The following PPIC variants were observed in gnomAD, a reference collection of about 807,000 sequenced individuals.
PPIC encodes the protein peptidyl-prolyl cis-trans isomerase C.
Under a neutral mutation model 19.5 loss-of-function variants are expected in PPIC, and 19 were observed. The ratio of observed to expected loss-of-function variants is 0.98; its 90% CI spans 0.68 to 1.43. The LOEUF (loss-of-function observed/expected upper bound fraction) is 1.43. Among genes scored for constraint, PPIC ranks in the 40% most tolerant of loss-of-function variants. The pLI, the probability that PPIC is intolerant of heterozygous loss-of-function variation, is 0.00. For synonymous variants in PPIC, 107 were observed against 101.2 expected (o/e 1.06, Z -0.34); for missense variants, 268 against 268.6 (o/e 1.00, Z 0.02).
chr5:123,026,277 G>C (rs1248495524), intron 3 of PPIC, among the ~76,000 whole-genome samples: 1 of 152,136 alleles, frequency 6.6e-6, no homozygotes, highest in Non-Finnish European at 1.5e-5. Flanking sequence ...AAGTGAGAAG[G>C]AACTGAAGGG....
At chr5:123,026,563 T>G (rs910269928) in intron 3 of PPIC, among the ~76,000 whole-genome samples, 3 of 152,234 alleles carry the variant, frequency 2.0e-5, no homozygotes, top group Non-Finnish European at 4.4e-5. Flanking sequence ...CATCTGACTT[T>G]CTGATTCTAA....
At chr5:123,026,973 TC>T (rs1256667555) in intron 3 of PPIC, among the ~76,000 whole-genome samples, 2 of 152,064 alleles carry the variant, frequency 1.3e-5, no homozygotes, top group African/African-American at 4.8e-5. Context: ...GGCGGGCAGA[TC>T]GCAAGGCCAG....
At chr5:123,029,195 G>A (rs774993813) in intron 2 of PPIC, 110 bp downstream of exon 2, 11 of 1,571,486 alleles carry the variant, frequency 7.0e-6, no homozygotes, top group Non-Finnish European at 7.8e-6. Context: ...GTCAAATGTG[G>A]TAAGGTTCAT....
At chr5:123,035,878 C>G (rs1763001388) in intron 1 of PPIC, among the ~76,000 whole-genome samples, 1 of 152,156 alleles carries the variant, frequency 6.6e-6, no homozygotes, top group Non-Finnish European at 1.5e-5. Context: ...CAGGTGCCGC[C>G]TTCGCCCGGC....
At position 123,036,575 on chromosome 5, in the gene PPIC, G is replaced by A. The variant is rs371863779; in HGVS notation, c.51C>T (p.Leu17=). 1.2e-4 allele frequency: 189 copies of A among 1,600,378 alleles called. No homozygotes were observed. The highest frequency in any genetic ancestry group is 3.3e-4 in the Middle Eastern group (2 of 6,034). ...CCCCCGAAGAAAACACAAGTGCGCC[G>A]AGCCCCACGCAAAGCACGAGAGGTA... is the stretch of plus-strand genomic sequence containing the variant. ...LLLPLVLCVG[L]GALVFSSGAE... The change falls in exon 1 of 5, where the codon CTC becomes CTT. Residue 17 remains leucine (L), a synonymous_variant. Coordinates refer to ENST00000306442, the MANE Select transcript of PPIC (RefSeq NM_000943.5). The surrounding 1 kb of genome is among the most constrained non-coding windows in gnomAD (Gnocchi z 4.5).
rs1271530914 is a variant in PPIC at position 123,029,330 on chromosome 5, T to C, written c.206A>G (p.Asn69Ser). Residue 69 changes from asparagine to serine, a missense_variant, in exon 2 of 5, where the codon AAT becomes AGT. By Grantham distance (46) the Asn-to-Ser change is conservative. Coordinates refer to ENST00000306442, the MANE Select transcript of PPIC (RefSeq NM_000943.5). Reference sequence around the variant, plus strand: ...CTCTCCTGTTGCTAGAGCAACAAAATTTTCCACTGTCTTGGGCACAACTTT... The same window carrying C: ...CTCTCCTGTTGCTAGAGCAACAAAACTTTCCACTGTCTTGGGCACAACTTT... ...FGKVVPKTVE[N>S]FVALATGEKG... 2 of 1,613,910 alleles carry C rather than the reference T, an allele frequency of 1.2e-6. No homozygotes were observed. The highest frequency in any genetic ancestry group is 1.7e-5 in the Admixed American group (1 of 59,988).
At chr5:123,027,038 C>CA (rs1762869590) in intron 3 of PPIC, among the ~76,000 whole-genome samples, 1 of 151,968 alleles carries the variant, frequency 6.6e-6, no homozygotes, top group Non-Finnish European at 1.5e-5. Context: ...ACTAAAAATA[C>CA]AAAAAATCAG....
Position 123,023,938 on chromosome 5 carries a change from C to A in PPIC, c.576G>T (p.Ser192=). Residue 192 remains serine (S), a synonymous_variant, in exon 5 of 5, where the codon TCG becomes TCT. Transcript: ENST00000306442. ...CGTCTATCTTGCCACTGTTGATGATCGAGCAGTTGGTGAGTGGACGGTCAT... is the reference window on the plus strand; with the variant it reads ...CGTCTATCTTGCCACTGTTGATGATAGAGCAGTTGGTGAGTGGACGGTCAT... ...DGHDRPLTNC[S]IINSGKIDVK... is the part of the protein sequence containing the mutation. 1 of 1,614,036 alleles carries A rather than the reference C, an allele frequency of 6.2e-7. No homozygotes were observed. Among genetic ancestry groups the A allele is most frequent in the East Asian group, 2.2e-5 (1 of 44,868 alleles).
rs746697501 is a variant in PPIC, at chr5:123,036,558, G to A, written c.68C>T (p.Ser23Phe). 9.4e-6 allele frequency: 15 copies of A among 1,604,084 alleles called. No individual in the cohort carries two copies. In the South Asian group the frequency reaches 1.7e-4, roughly 18 times the overall value. ...LCVGLGALVFSSGAEGFRKRG... is the reference protein window; with the variant it reads ...LCVGLGALVFFSGAEGFRKRG... ...CTTGCGGAAGCCCTCGGCCCCCGAA[G>A]AAAACACAAGTGCGCCGAGCCCCAC... The change falls in exon 1 of 5, where the codon TCT becomes TTT. Residue 23 changes from serine (S) to phenylalanine (F), a missense_variant. Ser to Phe is a radical substitution (Grantham distance 155). Coordinates refer to ENST00000306442, the MANE Select transcript of PPIC (RefSeq NM_000943.5). The surrounding 1 kb of genome is among the most constrained non-coding windows in gnomAD (Gnocchi z 4.5).
At position 123,023,837 on chromosome 5, in the gene PPIC, C is replaced by CA. The variant is rs397999141; in HGVS notation, c.*37_*38insT. 3.1e-5 allele frequency: 50 copies of CA among 1,592,198 alleles called. No individual in the cohort carries two copies. The highest frequency in any genetic ancestry group is 3.4e-5 in the South Asian group (3 of 89,080). On this transcript the variant is annotated 3_prime_UTR_variant, in exon 5 of 5. Transcript: ENST00000306442. ...ACACACACACACACACACACACACA[C>CA]CCCTGCCAAAGCATATCCTTGTTTT...
chr5:123,029,388 C>T lies in PPIC; in HGVS notation c.148G>A (p.Asp50Asn), dbSNP rs771420531. 1 of 1,585,568 alleles carries T rather than the reference C, an allele frequency of 6.3e-7. No individual in the cohort carries two copies. The highest frequency in any genetic ancestry group is 2.2e-5 in the East Asian group (1 of 44,770). The stretch of plus-strand genomic sequence containing the variant: ...AGGCCAATCACAATTCTGCCAACAT[C>T]TTTGTCTCCAATCCTCACATCAAAG... ...VFFDVRIGDK[D>N]VGRIVIGLFG... The change falls in exon 2 of 5, where the codon GAT becomes AAT. Residue 50 changes from aspartate to asparagine, a missense_variant. Transcript: ENST00000306442.
intron 3 of PPIC, among the ~76,000 whole-genome samples, chr5:123,026,610 T>C (rs377647491): frequency 5.3e-5 from 8 of 152,322 alleles, no homozygotes; most frequent in African/African-American, 1.4e-4. Context: ...CCAAGAGCAA[T>C]AGCAGCTGAT....
Position 123,028,973 on chromosome 5 carries a change from C to T in PPIC, c.232-105G>A, listed in dbSNP as rs113331486. 2.5e-5 allele frequency: 26 copies of T among 1,041,714 alleles called. No homozygotes were observed. In the African/African-American group the frequency reaches 3.9e-4, roughly 16 times the overall value. The allele number at this position is 1,041,714 out of a possible 1,614,324, so 64.5% of individuals were successfully genotyped here. The stretch of plus-strand genomic sequence containing the variant: ...AAACTGAGAAAATTAAACAAAATGC[C>T]TACAGAACTTGATTCTATCCCAGCT... On this transcript the variant is annotated intron_variant, in intron 2 of 4. Coordinates refer to ENST00000306442, the MANE Select transcript of PPIC (RefSeq NM_000943.5).
chr5:123,028,233 T>A (rs1313758891), intron 3 of PPIC, among the ~76,000 whole-genome samples: 1 of 152,044 alleles, frequency 6.6e-6, no homozygotes, highest in Admixed American at 6.6e-5. Flanking sequence ...TAGCCAGGAG[T>A]GTGAGTCACT....
In PPIC at chr5:123,023,964, G is replaced by A; in HGVS notation, c.550C>T (p.His184Tyr). The A allele has an allele frequency of 1.2e-6, 2 of 1,614,078 alleles. No homozygotes were observed. Among genetic ancestry groups the A allele is most frequent in the Non-Finnish European group, 1.7e-6 (2 of 1,179,982 alleles). Residue 184 changes from histidine to tyrosine, a missense_variant, in exon 5 of 5, where the codon CAT becomes TAT. Physicochemically the swap from His to Tyr is moderately conservative, Grantham distance 83. Coordinates refer to ENST00000306442, the MANE Select transcript of PPIC (RefSeq NM_000943.5). ...HSIELQATDG[H>Y]DRPLTNCSII... Reference sequence around the variant, plus strand: ...GAGCAGTTGGTGAGTGGACGGTCATGCCCATCAGTTGCTTGGAGCTCTATG... The same window carrying A: ...GAGCAGTTGGTGAGTGGACGGTCATACCCATCAGTTGCTTGGAGCTCTATG...
intron 1 of PPIC, among the ~76,000 whole-genome samples, chr5:123,033,440 C>T (rs1328207394): frequency 6.6e-6 from 1 of 152,110 alleles, no homozygotes; most frequent in Non-Finnish European, 1.5e-5. Context: ...GCTGGCACCA[C>T]CCCCTTCAGC....
At chr5:123,035,134 C>A (rs1038878433) in intron 1 of PPIC, among the ~76,000 whole-genome samples, 9 of 152,230 alleles carry the variant, frequency 5.9e-5, no homozygotes, top group Non-Finnish European at 1.2e-4. Context: ...CTCTCCACAT[C>A]CTCTGAATGC....
chr5:123,032,990 C>T (rs1385190113), intron 1 of PPIC, among the ~76,000 whole-genome samples: 4 of 152,152 alleles, frequency 2.6e-5, no homozygotes, highest in African/African-American at 9.7e-5. Flanking sequence ...ACCCAAACCC[C>T]TGTGGAATTA....
At chr5:123,026,119 GGGAA>G in intron 3 of PPIC, 151 bp from the exon 4 acceptor site, 2 of 673,836 alleles carry the variant, frequency 3.0e-6, no homozygotes, top group Non-Finnish European at 4.8e-6. Flanking sequence ...ACATGAAGGA[GGGAA>G]TAAAATTAAC....
Sources: gnomAD v4.1 joint callset for allele counts (sites outside exome capture counted in the v4.1 genomes callset) on GRCh38, gnomAD v4.1.1 for gene constraint, Gnocchi (gnomAD v3.1) non-coding constraint, MANE v1.5 for transcripts, NCBI Gene and HGNC (gene_info 2026-07-23, HGNC 2026-07-21) for gene names.